SMC2: variants seen among roughly 807,000 people sequenced by gnomAD.
The protein encoded by SMC2 is structural maintenance of chromosomes 2.
A neutral mutation model predicts 142.6 loss-of-function variants in SMC2; 41 were observed. That is an observed-to-expected ratio of 0.29 (90% CI 0.22 to 0.37). SMC2 has a LOEUF of 0.37. Ranked by LOEUF, SMC2 falls within the 10% of genes least tolerant of loss-of-function variation. SMC2 has a pLI of 1.00. For synonymous variants in SMC2, 463 were observed against 457.5 expected (o/e 1.01, Z -0.15); for missense variants, 1,265 against 1,373.7 (o/e 0.92, Z 1.25).
rs914338525 is a variant in SMC2, at chr9:104,139,456, C to T, written c.*141C>T. ...GTTTTCTCTTTATATAATCACTTATCGCTTACAAATGAGCATATATTCCTC... is the reference window on the plus strand; with the variant it reads ...GTTTTCTCTTTATATAATCACTTATTGCTTACAAATGAGCATATATTCCTC... On this transcript the variant is annotated 3_prime_UTR_variant, in exon 25 of 25. Transcript: ENST00000374793. 4 of 614,870 alleles carry T rather than the reference C, an allele frequency of 6.5e-6. No individual in the cohort carries two copies. Among genetic ancestry groups the T allele is most frequent in the Non-Finnish European group, 1.1e-5 (4 of 372,170 alleles). The allele number at this position is 614,870 out of a possible 1,614,324, so 38.1% of individuals were successfully genotyped here.
At position 104,129,222 on chromosome 9, in the gene SMC2, C is replaced by T. The variant is rs114773294; in HGVS notation, c.2791-423C>T. 3.7e-3 allele frequency among the ~76,000 whole-genome samples: 566 copies of T among 152,114 alleles called. 4 individuals carry two copies. The highest frequency in any genetic ancestry group is 0.012 in the African/African-American group (512 of 41,500). On this transcript the variant is annotated intron_variant, in intron 20 of 24. Coordinates refer to ENST00000374793, the MANE Select transcript of SMC2 (RefSeq NM_006444.3). Reference sequence around the variant, plus strand: ...GAAACTCATTTTTAAAAATGAGTCGCCTAGGCACGGTGGCTCACGCCTGTA... The same window carrying T: ...GAAACTCATTTTTAAAAATGAGTCGTCTAGGCACGGTGGCTCACGCCTGTA...
At position 104,123,251 on chromosome 9, in the gene SMC2, A is replaced by C; in HGVS notation, c.2257+19A>C. The C allele has an allele frequency of 6.2e-7, 1 of 1,607,230 alleles. No homozygotes were observed. The highest frequency in any genetic ancestry group is 8.5e-7 in the Non-Finnish European group (1 of 1,176,930). The stretch of plus-strand genomic sequence containing the variant: ...ACCATTGGTAAGATGAAAACAGTCC[A>C]TGCTTAATCTCTGGTTTTATTCATA... On this transcript the variant is annotated intron_variant, in intron 17 of 24. Transcript: ENST00000374793.
At chr9:104,136,516 C>CGTA (rs1162016680) in intron 23 of SMC2, among the ~76,000 whole-genome samples, 59 of 151,944 alleles carry the variant, frequency 3.9e-4, no homozygotes, top group African/African-American at 1.4e-3. Context: ...AAATTATTTC[C>CGTA]ATAATTAAGA....
intron 9 of SMC2, among the ~76,000 whole-genome samples, chr9:104,106,970 A>G (rs111633021): frequency 1.5e-3 from 222 of 152,316 alleles, no homozygotes; most frequent in African/African-American, 4.9e-3. Context: ...AAACCCCGCC[A>G]TACTATTAGT....
chr9:104,138,227 C>G, intron 24 of SMC2, 62 bp downstream of exon 24: 1 of 1,339,056 alleles, frequency 7.5e-7, no homozygotes, highest in Non-Finnish European at 1.0e-6. Context: ...TAAAACCATT[C>G]TTTAGTTAGT....
chr9:104,129,524 C>T, intron 20 of SMC2, 121 bp from the exon 21 acceptor site: 1 of 775,730 alleles, frequency 1.3e-6, no homozygotes, highest in African/African-American at 1.9e-5. Flanking sequence ...AAAAATTAGT[C>T]ATTGAAGGTT....
chr9:104,115,694 CTTTT>C (rs1833021579), intron 13 of SMC2, among the ~76,000 whole-genome samples: 1 of 152,034 alleles, frequency 6.6e-6, no homozygotes, highest in Non-Finnish European at 1.5e-5. Flanking sequence ...CCATAGTTAC[CTTTT>C]TTGTGTGTGA....
rs1830977213 is a variant in SMC2, at chr9:104,100,430, A to G, written c.633A>G (p.Lys211=). The part of the protein sequence containing the change: ...EEITPTIQKL[K]EERSSYLEYQ... ...TTACTCCAACCATTCAAAAATTAAA[A>G]GAGGTATATTCTGTATATGTGAGGA... Residue 211 remains lysine (K), a synonymous_variant, in exon 7 of 25, where the codon AAA becomes AAG. Transcript: ENST00000374793. The G allele has an allele frequency of 4.0e-6, 6 of 1,504,284 alleles. No homozygotes were observed. The highest frequency in any genetic ancestry group is 5.5e-6 in the Non-Finnish European group (6 of 1,085,332). 93.2% of individuals were successfully genotyped at this position (1,504,284 alleles called of 1,614,324 possible).
At chr9:104,101,837 G>A (rs925126452) in intron 7 of SMC2, 123 bp from the exon 8 acceptor site, 4 of 595,422 alleles carry the variant, frequency 6.7e-6, no homozygotes, top group African/African-American at 3.8e-5. Flanking sequence ...AATTTAAAAT[G>A]CTATAATTGT....
chr9:104,113,301 A>G lies in SMC2; in HGVS notation c.1255-15A>G. 1.9e-6 allele frequency: 3 copies of G among 1,595,000 alleles called. No homozygotes were observed. The highest frequency in any genetic ancestry group is 1.7e-6 in the Non-Finnish European group (2 of 1,172,800). Reference sequence around the variant, plus strand: ...CCTCATACATCCTATGGTCTGTTGCATTTTTCTGCCACAGGCTCAGATGAA... The same window carrying G: ...CCTCATACATCCTATGGTCTGTTGCGTTTTTCTGCCACAGGCTCAGATGAA... On this transcript the variant is annotated splice_polypyrimidine_tract_variant and intron_variant, in intron 10 of 24. Coordinates refer to ENST00000374793, the MANE Select transcript of SMC2 (RefSeq NM_006444.3).
rs771457863 is a variant in SMC2, at chr9:104,118,304, A to G, written c.1925A>G (p.Asp642Gly). Residue 642 changes from aspartate (D) to glycine (G), a missense_variant, in exon 15 of 25, where the codon GAT (aspartate) becomes GGT (glycine). By Grantham distance (94) the Asp-to-Gly change is moderately conservative (BLOSUM62 -1). Around this residue, in one of 4 missense-constraint regions of SMC2, gnomAD observed 898 missense variants for 904.2 expected, o/e 0.99. Transcript: ENST00000374793. ...GATAATGCCAAAAAAGTGGCCTTTG[A>G]TAAGAGGATAATGACTAGAACTGTA... ...NMDNAKKVAF[D>G]KRIMTRTVTL... is the part of the protein sequence containing the mutation. 5 of 1,613,674 alleles carry G rather than the reference A, an allele frequency of 3.1e-6. No homozygotes were observed. The highest frequency in any genetic ancestry group is 4.2e-6 in the Non-Finnish European group (5 of 1,179,776).
chr9:104,093,965 C>G (rs1246254656), upstream of SMC2, among the ~76,000 whole-genome samples: 3 of 152,338 alleles, frequency 2.0e-5, no homozygotes, highest in African/African-American at 7.2e-5. Flanking sequence ...AAGCCACAGC[C>G]AGCACCGCAG....
intron 19 of SMC2, among the ~76,000 whole-genome samples, chr9:104,126,985 C>A (rs6479220): frequency 0.056 from 8,588 of 152,238 alleles, 653 homozygotes; most frequent in African/African-American, 0.18. Flanking sequence ...CCTCTTCTTC[C>A]TCACTTAGTT....
At chr9:104,136,065 T>C (rs1835498998) in intron 23 of SMC2, 2 of 378,404 alleles carry the variant, frequency 5.3e-6, no homozygotes, top group African/African-American at 4.2e-5. Context: ...TAAAAGGTCA[T>C]ATGTCCTTAC....
Position 104,134,344 on chromosome 9 carries a change from T to C in SMC2, c.3109-71T>C, listed in dbSNP as rs937864874. 15 of 1,181,058 alleles carry C rather than the reference T, an allele frequency of 1.3e-5. No individual in the cohort carries two copies. The Admixed American group carries it at 3.2e-4, about 25-fold the overall frequency. The allele number at this position is 1,181,058 out of a possible 1,614,324, so 73.2% of individuals were successfully genotyped here. On this transcript the variant is annotated intron_variant, in intron 22 of 24. Coordinates refer to ENST00000374793, the MANE Select transcript of SMC2 (RefSeq NM_006444.3). The stretch of plus-strand genomic sequence containing the variant: ...CAAAGTAGACCTGCTGTGTTGCATA[T>C]ACATATATCAACAATTGATTCTTCT...
At chr9:104,117,790 A>AAAAC (rs1268220205) in intron 14 of SMC2, among the ~76,000 whole-genome samples, 48 of 152,190 alleles carry the variant, frequency 3.2e-4, no homozygotes, top group Admixed American at 2.9e-3. Flanking sequence ...CCAAAATCTG[A>AAAAC]AAACAAACAC....
chr9:104,100,988 A>T (rs1831056594), intron 7 of SMC2, among the ~76,000 whole-genome samples: 1 of 152,132 alleles, frequency 6.6e-6, no homozygotes, highest in Non-Finnish European at 1.5e-5. Flanking sequence ...CCCAGGCTGG[A>T]GTGCAGTGGT....
Position 104,100,125 on chromosome 9 carries a change from C to T in SMC2, c.513C>T (p.Thr171=), listed in dbSNP as rs759170861. The change falls in exon 6 of 25, where the codon ACC becomes ACT. Residue 171 remains threonine (T), a synonymous_variant. Coordinates refer to ENST00000374793, the MANE Select transcript of SMC2 (RefSeq NM_006444.3). The part of the protein sequence containing the change: ...ILSMIEEAAG[T]RMYEYKKIAA... Reference sequence around the variant, plus strand: ...CCATGATAGAAGAAGCAGCTGGAACCAGGATGTATGAATACAAAAAAATAG... The same window carrying T: ...CCATGATAGAAGAAGCAGCTGGAACTAGGATGTATGAATACAAAAAAATAG... 4.4e-6 allele frequency: 7 copies of T among 1,577,852 alleles called. No individual in the cohort carries two copies. In the East Asian group the frequency reaches 1.1e-4, roughly 26 times the overall value.
upstream of SMC2, among the ~76,000 whole-genome samples, chr9:104,091,034 T>C (rs958101013): frequency 3.3e-5 from 5 of 152,210 alleles, no homozygotes; most frequent in African/African-American, 1.2e-4. Flanking sequence ...ATAACCTCCT[T>C]TTCTATTCCT....
Sources: gnomAD v4.1 joint callset for allele counts (sites outside exome capture counted in the v4.1 genomes callset) on GRCh38, gnomAD v4.1.1 for gene constraint, gnomAD v4.1.1 regional missense constraint, MANE v1.5 for transcripts, NCBI Gene and HGNC (gene_info 2026-07-23, HGNC 2026-07-21) for gene names.